Variants in EDC3 observed in about 807,000 individuals in gnomAD.
EDC3 encodes enhancer of mRNA decapping 3.
A neutral mutation model predicts 41.8 loss-of-function variants in EDC3; 20 were observed. The observed-to-expected ratio is 0.48, with a 90% CI of 0.34 to 0.70. The LOEUF (loss-of-function observed/expected upper bound fraction) is 0.70. Ranked by LOEUF, EDC3 falls within the 30% of genes least tolerant of loss-of-function variation. EDC3 has a pLI of 0.01. For missense variants in EDC3, 444 were observed against 636.8 expected, an observed-to-expected ratio of 0.70 and a Z score of 3.26; for synonymous variants, 206 against 243.2, an observed-to-expected ratio of 0.85 and a Z score of 1.42.
chr15:74,685,636 TA>T (rs1306722957), intron 1 of EDC3, among the ~76,000 whole-genome samples: 1 of 152,146 alleles, frequency 6.6e-6, no homozygotes, highest in Admixed American at 6.6e-5. Context: ...AAAATGGTTC[TA>T]AAAAATACAG....
chr15:74,657,766 T>C (rs1237776941), intron 3 of EDC3, among the ~76,000 whole-genome samples: 1 of 152,228 alleles, frequency 6.6e-6, no homozygotes, highest in Non-Finnish European at 1.5e-5. Flanking sequence ...CCTGGTTTGC[T>C]CAAAAAATTC....
rs916027827 is a variant in EDC3 at position 74,633,685 on chromosome 15, A to G, written c.1193-739T>C. The stretch of plus-strand genomic sequence containing the variant: ...CTGAGAATAGCATAAATCAGACCAA[A>G]CTTAATGGTCGTTGAGACTTGTGTC... On this transcript the variant is annotated intron_variant, in intron 6 of 6. Transcript: ENST00000315127. Among the ~76,000 whole-genome samples the G allele has an allele frequency of 1.7e-4, 26 of 152,168 alleles. 1 individual carries two copies. Among genetic ancestry groups the G allele is most frequent in the Admixed American group, 1.4e-3 (21 of 15,280 alleles).
intron 3 of EDC3, among the ~76,000 whole-genome samples, chr15:74,657,288 C>T (rs545368404): frequency 3.3e-4 from 51 of 152,328 alleles, no homozygotes; most frequent in African/African-American, 1.1e-3. Context: ...GCACAGAGTT[C>T]GCTCCTGCTG....
At chr15:74,688,009 T>C (rs894420747) in intron 1 of EDC3, among the ~76,000 whole-genome samples, 3 of 152,240 alleles carry the variant, frequency 2.0e-5, no homozygotes, top group Admixed American at 2.0e-4. Context: ...AAAATGTGGA[T>C]ACTCGTTTAT....
At chr15:74,675,218 G>A (rs774819213) in intron 1 of EDC3, 76 bp from the exon 2 acceptor site, 143 of 1,353,526 alleles carry the variant, frequency 1.1e-4, no homozygotes, top group Non-Finnish European at 1.4e-4. Context: ...AATATATCAG[G>A]CTCTGTACCA....
intron 1 of EDC3, among the ~76,000 whole-genome samples, chr15:74,690,256 T>G (rs2062990892): frequency 6.6e-6 from 1 of 152,250 alleles, no homozygotes; most frequent in Non-Finnish European, 1.5e-5. Flanking sequence ...ATTATGGGAC[T>G]ATTTTGCTCA....
At chr15:74,654,061 G>A (rs529358258) in intron 4 of EDC3, among the ~76,000 whole-genome samples, 20 of 152,034 alleles carry the variant, frequency 1.3e-4, no homozygotes, top group Non-Finnish European at 2.2e-4. Context: ...GACCAGCCTG[G>A]CCAACATAGT....
At chr15:74,681,048 T>G (rs1433346380) in intron 1 of EDC3, among the ~76,000 whole-genome samples, 1 of 152,176 alleles carries the variant, frequency 6.6e-6, no homozygotes, top group African/African-American at 2.4e-5. Flanking sequence ...CTCCTCAAAT[T>G]GGTATAAAGG....
chr15:74,636,952 T>G (rs1157397446), intron 5 of EDC3: 2 of 151,988 alleles, frequency 1.3e-5, no homozygotes, highest in Non-Finnish European at 2.9e-5. Flanking sequence ...AGCGGCAAGG[T>G]GTAGAGTATA....
intron 4 of EDC3, among the ~76,000 whole-genome samples, chr15:74,654,477 G>C (rs2062520575): frequency 6.6e-6 from 1 of 152,138 alleles, no homozygotes; most frequent in Non-Finnish European, 1.5e-5. Context: ...GCCTTTGAAA[G>C]GCTTAAAACC....
At chr15:74,634,955 T>C in intron 6 of EDC3, 1 of 408,780 alleles carries the variant, frequency 2.4e-6, no homozygotes, top group Non-Finnish European at 4.9e-6. Flanking sequence ...CCAAGGCCCA[T>C]CATGACCTGA....
At chr15:74,661,933 T>C (rs2062626071) in intron 3 of EDC3, among the ~76,000 whole-genome samples, 1 of 152,102 alleles carries the variant, frequency 6.6e-6, no homozygotes, top group African/African-American at 2.4e-5. Flanking sequence ...AATATTTTGA[T>C]TTTCTTTTAG....
chr15:74,671,342 C>G lies in EDC3; in HGVS notation c.484+113G>C. 2 of 1,202,956 alleles carry G rather than the reference C, an allele frequency of 1.7e-6. No individual in the cohort carries two copies. The highest frequency in any genetic ancestry group is 2.3e-6 in the Non-Finnish European group (2 of 851,168). 74.5% of individuals were successfully genotyped at this position (1,202,956 alleles called of 1,614,324 possible). A position where few individuals can be genotyped will look rare whatever the true frequency, so the allele number is the denominator to read the frequency against. Reference sequence around the variant, plus strand: ...CATGTTGTATTTCTGTGACGCTCAGCCAGCATCCATTTTATTGGAATAACA... The same window carrying G: ...CATGTTGTATTTCTGTGACGCTCAGGCAGCATCCATTTTATTGGAATAACA... On this transcript the variant is annotated intron_variant, in intron 3 of 6. Coordinates refer to ENST00000315127, the MANE Select transcript of EDC3 (RefSeq NM_025083.5). The surrounding 1 kb of genome is among the most constrained non-coding windows in gnomAD (Gnocchi z 4.6).
chr15:74,672,560 A>G (rs112271828), intron 2 of EDC3, among the ~76,000 whole-genome samples: 5,158 of 152,272 alleles, frequency 0.034, 128 homozygotes, highest in Middle Eastern at 0.12. Context: ...TCATGCCTAT[A>G]ATCCCAGCAT....
intron 1 of EDC3, among the ~76,000 whole-genome samples, chr15:74,685,373 A>G (rs575101850): frequency 8.1e-4 from 123 of 152,328 alleles, no homozygotes; most frequent in African/African-American, 2.9e-3. Context: ...ACTGCACCCC[A>G]GCCTAGATGA....
chr15:74,685,526 T>C (rs1300392295), intron 1 of EDC3, among the ~76,000 whole-genome samples: 1 of 152,210 alleles, frequency 6.6e-6, no homozygotes, highest in African/African-American at 2.4e-5. Flanking sequence ...AATAAATATT[T>C]AATCAATCGA....
intron 1 of EDC3, among the ~76,000 whole-genome samples, chr15:74,690,869 G>A (rs2062999748): frequency 6.6e-6 from 1 of 152,148 alleles, no homozygotes. Context: ...AGGCAGCACG[G>A]TGAAAAGAGA....
chr15:74,672,523 AGT>A (rs2062751479), intron 2 of EDC3, among the ~76,000 whole-genome samples: 1 of 152,144 alleles, frequency 6.6e-6, no homozygotes, highest in Non-Finnish European at 1.5e-5. Context: ...TTCAATCAAA[AGT>A]GTTAAATGGA....
In EDC3 at chr15:74,645,571, G is replaced by A. The variant is rs566646300; in HGVS notation, c.821-4952C>T. 2.2e-4 allele frequency among the ~76,000 whole-genome samples: 32 copies of A among 145,828 alleles called. 2 individuals are homozygous for A. Among genetic ancestry groups the A allele is most frequent in the African/African-American group, 7.6e-4 (30 of 39,556 alleles). On this transcript the variant is annotated intron_variant, in intron 4 of 6. Coordinates refer to ENST00000315127, the MANE Select transcript of EDC3 (RefSeq NM_025083.5). ...TTTTTCAATAAAAAAAGTTGGGGGG[G>A]GGGGGGTGCCAGGCAGGTGGCTCAT...
Sources: allele counts gnomAD v4.1 joint callset (sites outside exome capture counted in the v4.1 genomes callset), GRCh38; gene constraint gnomAD v4.1.1; non-coding constraint Gnocchi (gnomAD v3.1); transcripts MANE v1.5; gene names NCBI Gene and HGNC (gene_info 2026-07-23, HGNC 2026-07-21).